SLC9A9: variants seen among roughly 807,000 people sequenced by gnomAD.
SLC9A9 encodes solute carrier family 9 member A9.
SLC9A9 carries 62 observed loss-of-function variants against 77.8 expected under a neutral mutation model. The ratio of observed to expected loss-of-function variants is 0.80; its 90% CI spans 0.65 to 0.98. The LOEUF is 0.98. Ranked by LOEUF, SLC9A9 falls within the 50% of genes least tolerant of loss-of-function variation. The probability of loss-of-function intolerance (pLI) is 0.00; values close to 1 mark genes in which losing one functional copy is unlikely to be tolerated. For synonymous variants in SLC9A9, 320 were observed against 283.5 expected, an observed-to-expected ratio of 1.13 and a Z score of -1.29; for missense variants, 775 against 774.9, an observed-to-expected ratio of 1.00 and a Z score of 0.00.
intron 11 of SLC9A9, among the ~76,000 whole-genome samples, chr3:143,475,515 G>A (rs1398456112): frequency 6.6e-6 from 1 of 151,932 alleles, no homozygotes; most frequent in Non-Finnish European, 1.5e-5. Context: ...ATTAGAGGCC[G>A]GGTGCAGTGG....
chr3:143,750,025 T>G (rs1377877901), intron 4 of SLC9A9, among the ~76,000 whole-genome samples: 1 of 152,152 alleles, frequency 6.6e-6, no homozygotes, highest in Non-Finnish European at 1.5e-5. Context: ...TGATCCTTAT[T>G]TGCGAATAGG....
At chr3:143,799,681 T>C (rs1173485920) in intron 2 of SLC9A9, among the ~76,000 whole-genome samples, 1 of 152,190 alleles carries the variant, frequency 6.6e-6, no homozygotes, top group Non-Finnish European at 1.5e-5. Flanking sequence ...TGGCAGCCAC[T>C]CCCAGAGCCG....
In SLC9A9 at chr3:143,492,108, C is replaced by A. The variant is rs182443745; in HGVS notation, c.1315+1545G>T. On this transcript the variant is annotated intron_variant, in intron 11 of 15. Coordinates refer to ENST00000316549, the MANE Select transcript of SLC9A9 (RefSeq NM_173653.4). ...GAGATCGAGACCATCCTGGCTAACA[C>A]GGTGAAACCCCGTCTCTACTAAAAA... is the stretch of plus-strand genomic sequence containing the variant. 3.3e-5 allele frequency among the ~76,000 whole-genome samples: 5 copies of A among 151,474 alleles called. No individual in the cohort carries two copies. The South Asian group carries it at 6.3e-4, about 19-fold the overall frequency.
chr3:143,691,835 A>T (rs1456254505), intron 5 of SLC9A9, among the ~76,000 whole-genome samples: 1 of 152,150 alleles, frequency 6.6e-6, no homozygotes, highest in African/African-American at 2.4e-5. Context: ...GAGACATAAC[A>T]TGATTCCCCA....
At chr3:143,680,888 C>T (rs1933067802) in intron 5 of SLC9A9, among the ~76,000 whole-genome samples, 1 of 152,158 alleles carries the variant, frequency 6.6e-6, no homozygotes, top group Non-Finnish European at 1.5e-5. Context: ...TGCCCTCTAG[C>T]TTCTCATTGG....
intron 14 of SLC9A9, among the ~76,000 whole-genome samples, chr3:143,279,224 T>C (rs1274335226): frequency 1.3e-5 from 2 of 152,198 alleles, no homozygotes; most frequent in Non-Finnish European, 2.9e-5. Flanking sequence ...TTTGCTTCTC[T>C]TCTCAGAGCA....
chr3:143,734,408 C>A (rs764482471), intron 4 of SLC9A9, among the ~76,000 whole-genome samples: 2 of 151,958 alleles, frequency 1.3e-5, no homozygotes, highest in Non-Finnish European at 2.9e-5. Context: ...TACATAAAAA[C>A]CCTTTTAAAA....
chr3:143,634,147 C>CTTTTTTTTTTTTTTTTTTTTTTT (rs1033629087), intron 6 of SLC9A9, among the ~76,000 whole-genome samples: 18 of 149,208 alleles, frequency 1.2e-4, no homozygotes, highest in African/African-American at 3.6e-4. Context: ...ATAATCCTTT[C>CTTTTTTTTTTTTTTTTTTTTTTT]TTTAAGCTTG....
At chr3:143,770,034 A>G (rs369204982) in intron 4 of SLC9A9, among the ~76,000 whole-genome samples, 7 of 152,336 alleles carry the variant, frequency 4.6e-5, no homozygotes, top group Admixed American at 1.3e-4. Flanking sequence ...TTGATACTTT[A>G]TCATTCATAA....
intron 12 of SLC9A9, among the ~76,000 whole-genome samples, chr3:143,462,440 A>G (rs191927907): frequency 6.6e-6 from 1 of 152,344 alleles, no homozygotes; most frequent in African/African-American, 2.4e-5. Context: ...GACGTAAGTC[A>G]ATGTATGCTA....
chr3:143,287,135 G>A (rs1367984336), intron 14 of SLC9A9, among the ~76,000 whole-genome samples: 4 of 151,586 alleles, frequency 2.6e-5, no homozygotes, highest in African/African-American at 9.8e-5. Flanking sequence ...GGAGCGGGGT[G>A]CAGAATAACT....
chr3:143,528,871 G>A (rs1314532860), intron 9 of SLC9A9, among the ~76,000 whole-genome samples: 1 of 151,890 alleles, frequency 6.6e-6, no homozygotes, highest in East Asian at 1.9e-4. Flanking sequence ...CTATCTGATA[G>A]GTCAGGAGTT....
intron 12 of SLC9A9, among the ~76,000 whole-genome samples, chr3:143,388,300 T>C (rs1300281776): frequency 6.6e-6 from 1 of 152,230 alleles, no homozygotes; most frequent in Non-Finnish European, 1.5e-5. Flanking sequence ...TATTTTAATT[T>C]TGTTTTGGGA....
At chr3:143,303,469 T>G (rs2030627821) in intron 14 of SLC9A9, among the ~76,000 whole-genome samples, 1 of 151,876 alleles carries the variant, frequency 6.6e-6, no homozygotes, top group African/African-American at 2.4e-5. Flanking sequence ...CAGCATGCTA[T>G]CCAATATTGC....
intron 9 of SLC9A9, among the ~76,000 whole-genome samples, chr3:143,547,896 C>G (rs565555218): frequency 2.0e-5 from 3 of 152,198 alleles, no homozygotes; most frequent in African/African-American, 7.2e-5. Context: ...AGTTCCTCAA[C>G]TAGAAATTCT....
At chr3:143,755,944 A>G (rs2108828376) in intron 4 of SLC9A9, among the ~76,000 whole-genome samples, 1 of 152,262 alleles carries the variant, frequency 6.6e-6, no homozygotes, top group East Asian at 1.9e-4. Context: ...TTCTCCTTAA[A>G]CTTCTTGGAA....
At chr3:143,649,686 C>A (rs1369705892) in intron 6 of SLC9A9, among the ~76,000 whole-genome samples, 1 of 152,052 alleles carries the variant, frequency 6.6e-6, no homozygotes. Flanking sequence ...GGTTCTTAAG[C>A]AAGGAGGTTT....
intron 9 of SLC9A9, among the ~76,000 whole-genome samples, chr3:143,544,610 T>C (rs1234067232): frequency 6.6e-6 from 1 of 152,224 alleles, no homozygotes; most frequent in African/African-American, 2.4e-5. Context: ...TCTCCCATTA[T>C]GTAGGTTGTC....
chr3:143,473,013 T>C (rs1314284729), intron 11 of SLC9A9, among the ~76,000 whole-genome samples: 3 of 152,126 alleles, frequency 2.0e-5, no homozygotes, highest in Admixed American at 6.5e-5. Flanking sequence ...TGTGTTTTTT[T>C]TTTTTTCACT....
Sources: allele counts gnomAD v4.1 joint callset (sites outside exome capture counted in the v4.1 genomes callset), GRCh38; gene constraint gnomAD v4.1.1; transcripts MANE v1.5; gene names NCBI Gene and HGNC (gene_info 2026-07-23, HGNC 2026-07-21).